The following CACHD1 variants were observed in gnomAD, a reference collection of about 807,000 sequenced individuals.
CACHD1 encodes cache domain containing 1, also known as VWFA and cache domain-containing protein 1.
CACHD1 carries 71 observed loss-of-function variants against 138.7 expected under a neutral mutation model. That is an observed-to-expected ratio of 0.51 (90% CI 0.42 to 0.62). The LOEUF (loss-of-function observed/expected upper bound fraction) is 0.62, where lower values mean the gene tolerates loss of function less well. CACHD1 is among the 20% of genes least tolerant of loss of function. The pLI, the probability that CACHD1 is intolerant of heterozygous loss-of-function variation, is 0.00. For missense variants in CACHD1, 1,389 were observed against 1,625.3 expected, an observed-to-expected ratio of 0.85 and a Z score of 2.50; for synonymous variants, 578 against 591.5, an observed-to-expected ratio of 0.98 and a Z score of 0.33.
chr1:64,561,513 C>G (rs933034570), intron 2 of CACHD1, among the ~76,000 whole-genome samples: 1 of 152,016 alleles, frequency 6.6e-6, no homozygotes, highest in Admixed American at 6.6e-5. Context: ...AGTGAAGATA[C>G]CCTAGTGACA....
At chr1:64,556,185 C>T (rs1238080579) in intron 2 of CACHD1, among the ~76,000 whole-genome samples, 1 of 152,182 alleles carries the variant, frequency 6.6e-6, no homozygotes, top group East Asian at 1.9e-4. Context: ...CATGGGCTTA[C>T]CTCCTAGATT....
intron 9 of CACHD1, among the ~76,000 whole-genome samples, chr1:64,651,830 A>G (rs1020262971): frequency 6.6e-6 from 1 of 152,216 alleles, no homozygotes; most frequent in Non-Finnish European, 1.5e-5. Flanking sequence ...ACAAAATAGA[A>G]AAATGTATTT....
intron 6 of CACHD1, among the ~76,000 whole-genome samples, chr1:64,633,366 A>G (rs1026619593): frequency 6.6e-6 from 1 of 152,186 alleles, no homozygotes; most frequent in Non-Finnish European, 1.5e-5. Context: ...CGTAACTACC[A>G]CCAAGCTTAG....
intron 4 of CACHD1, among the ~76,000 whole-genome samples, chr1:64,619,016 C>T (rs1052337207): frequency 1.3e-5 from 2 of 152,022 alleles, no homozygotes; most frequent in South Asian, 2.1e-4. Flanking sequence ...AAACAGAAGT[C>T]GCAACCCAAC....
rs1427993895 is a variant in CACHD1, at chr1:64,658,738, G to A, written c.1816G>A (p.Val606Met). The A allele has an allele frequency of 6.2e-7, 1 of 1,612,032 alleles. No homozygotes were observed. Among genetic ancestry groups the A allele is most frequent in the South Asian group, 1.1e-5 (1 of 90,638 alleles). ...CACTTCCTTTATTCTGTGTATTGTG[G>A]TGATACAACCAGAAATACCTGTGAA... The part of the protein sequence containing the change: ...QDTSFILCIV[V>M]IQPEIPVKQL... Residue 606 changes from valine (V) to methionine (M), a missense_variant, in exon 13 of 27, where the codon GTG (valine) becomes ATG (methionine). Val to Met is a conservative substitution (Grantham distance 21). Transcript: ENST00000651257.
intron 2 of CACHD1, among the ~76,000 whole-genome samples, chr1:64,569,243 T>A (rs1646907736): frequency 6.6e-6 from 1 of 152,192 alleles, no homozygotes; most frequent in Non-Finnish European, 1.5e-5. Context: ...TTTTTATATT[T>A]GTAAAAATAG....
intron 3 of CACHD1, among the ~76,000 whole-genome samples, chr1:64,596,072 C>A (rs888366968): frequency 1.3e-5 from 2 of 152,050 alleles, no homozygotes; most frequent in Non-Finnish European, 2.9e-5. Flanking sequence ...TTTGGTTGGC[C>A]CATCTATTTA....
At chr1:64,479,864 C>A (rs936123877) in intron 1 of CACHD1, among the ~76,000 whole-genome samples, 20 of 152,260 alleles carry the variant, frequency 1.3e-4, no homozygotes, top group Non-Finnish European at 2.4e-4. Flanking sequence ...TGCCCAAGTT[C>A]CTTGTATTTG....
rs930367248 is a variant in CACHD1 at position 64,664,546 on chromosome 1, T to C, written c.2143T>C (p.Trp715Arg). Residue 715 changes from tryptophan to arginine, a missense_variant, in exon 15 of 27, where the codon TGG (tryptophan) becomes CGG (arginine). By Grantham distance (101) the Trp-to-Arg change is moderately radical. Coordinates refer to ENST00000651257, the MANE Select transcript of CACHD1 (RefSeq NM_020925.4). ...VMATSHVTDE[W>R]MTQMEMSSLN... ...GGCTACCAGCCACGTCACAGATGAA[T>C]GGATGACACAAATGGAAATGAGTAG... is the stretch of plus-strand genomic sequence containing the variant. 6.2e-7 allele frequency: 1 copy of C among 1,614,226 alleles called. No individual in the cohort carries two copies. The highest frequency in any genetic ancestry group is 8.5e-7 in the Non-Finnish European group (1 of 1,180,036).
intron 1 of CACHD1, among the ~76,000 whole-genome samples, chr1:64,527,639 C>T (rs141304833): frequency 4.1e-4 from 62 of 152,226 alleles, no homozygotes; most frequent in African/African-American, 1.5e-3. Context: ...GTTTTCCTAA[C>T]GATTATAGTT....
Position 64,675,346 on chromosome 1 carries a change from G to T in CACHD1, c.2728-55G>T, listed in dbSNP as rs1473586497. 2.8e-6 allele frequency: 4 copies of T among 1,414,202 alleles called. No individual in the cohort carries two copies. The African/African-American group carries it at 4.2e-5, about 15-fold the overall frequency. The allele number at this position is 1,414,202 out of a possible 1,614,324, so 87.6% of individuals were successfully genotyped here. A position where few individuals can be genotyped will look rare whatever the true frequency, so the allele number is the denominator to read the frequency against. On this transcript the variant is annotated intron_variant, in intron 19 of 26. Coordinates refer to ENST00000651257, the MANE Select transcript of CACHD1 (RefSeq NM_020925.4). ...TTGAAGAGTTGTTTTCACCAAGGTA[G>T]GGCTGAGTCTTTGCATTGCTGTCTG... is the stretch of plus-strand genomic sequence containing the variant.
rs563917942 is a variant in CACHD1, at chr1:64,611,989, C to T, written c.517+9077C>T. On this transcript the variant is annotated intron_variant, in intron 4 of 26. Transcript: ENST00000651257. ...TGTAATCATGTTGGAAGGCAAAGGG[C>T]AAGCAAGGCATGTCTTACATGGCAA... 3.3e-5 allele frequency among the ~76,000 whole-genome samples: 5 copies of T among 152,216 alleles called. No individual in the cohort carries two copies. The South Asian group carries it at 1.0e-3, about 32-fold the overall frequency.
At chr1:64,610,976 C>T (rs1396660276) in intron 4 of CACHD1, among the ~76,000 whole-genome samples, 1 of 152,212 alleles carries the variant, frequency 6.6e-6, no homozygotes, top group Non-Finnish European at 1.5e-5. Context: ...GCTCTTGTCG[C>T]CTGCACACCC....
At chr1:64,540,349 G>A (rs897480974) in intron 1 of CACHD1, among the ~76,000 whole-genome samples, 4 of 152,088 alleles carry the variant, frequency 2.6e-5, no homozygotes, top group Admixed American at 1.3e-4. Flanking sequence ...TGTTGGGAGA[G>A]TGAAAATAGG....
At chr1:64,559,255 T>C (rs1646821128) in intron 2 of CACHD1, among the ~76,000 whole-genome samples, 1 of 152,188 alleles carries the variant, frequency 6.6e-6, no homozygotes, top group Non-Finnish European at 1.5e-5. Flanking sequence ...TAAATGCCCA[T>C]CAATGACAAA....
intron 13 of CACHD1, among the ~76,000 whole-genome samples, chr1:64,663,168 A>G (rs185704208): frequency 4.0e-5 from 6 of 151,840 alleles, no homozygotes; most frequent in South Asian, 4.2e-4. Context: ...AAGAATTTCT[A>G]CTCCCAGCAC....
At chr1:64,661,002 G>A (rs1278689408) in intron 13 of CACHD1, among the ~76,000 whole-genome samples, 1 of 152,162 alleles carries the variant, frequency 6.6e-6, no homozygotes, top group Non-Finnish European at 1.5e-5. Context: ...GACTTTCACT[G>A]GGAGGTCTTG....
chr1:64,660,809 C>T (rs993881215), intron 13 of CACHD1, among the ~76,000 whole-genome samples: 13 of 152,134 alleles, frequency 8.5e-5, no homozygotes, highest in Admixed American at 3.3e-4. Context: ...GGATTACAGG[C>T]GCCACTGTGC....
chr1:64,585,734 G>C (rs1254805525), intron 3 of CACHD1, among the ~76,000 whole-genome samples: 1 of 152,230 alleles, frequency 6.6e-6, no homozygotes, highest in African/African-American at 2.4e-5. Flanking sequence ...GCAACAGGAA[G>C]TGGCCTGTGA....
Sources: gnomAD v4.1 joint callset for allele counts (sites outside exome capture counted in the v4.1 genomes callset) on GRCh38, gnomAD v4.1.1 for gene constraint, MANE v1.5 for transcripts, NCBI Gene and HGNC (gene_info 2026-07-23, HGNC 2026-07-21) for gene names.